Variants in TACC2 observed in about 807,000 individuals in gnomAD.
TACC2 encodes transforming acidic coiled-coil-containing protein 2.
In TACC2, 137 loss-of-function variants were observed where a neutral mutation model predicts 227.3. The observed-to-expected ratio is 0.60, with a 90% confidence interval of 0.52 to 0.69. TACC2 has a LOEUF of 0.69. Ranked by LOEUF, TACC2 falls within the 30% of genes least tolerant of loss-of-function variation. TACC2 has a pLI of 0.00. For missense variants in TACC2, 3,470 were observed against 3,694.4 expected (o/e 0.94, Z 1.57); for synonymous variants, 1,523 against 1,487.5 (o/e 1.02, Z -0.55).
chr10:122,004,397 C>CAA (rs140584119), intron 1 of TACC2, among the ~76,000 whole-genome samples: 20 of 104,196 alleles, frequency 1.9e-4, no homozygotes, highest in East Asian at 1.3e-3. Context: ...GACTCTGTCT[C>CAA]AAAAAAAAAA....
chr10:122,076,332 C>G (rs940884235), intron 3 of TACC2, among the ~76,000 whole-genome samples: 9 of 152,128 alleles, frequency 5.9e-5, no homozygotes, highest in African/African-American at 2.2e-4. Flanking sequence ...CCTTCACAAC[C>G]CAATCACCTT....
chr10:122,152,790 C>G (rs1188210230), intron 7 of TACC2, among the ~76,000 whole-genome samples: 1 of 152,112 alleles, frequency 6.6e-6, no homozygotes, highest in African/African-American at 2.4e-5. Context: ...CACTGTTTGG[C>G]AGGACTCAGG....
At chr10:122,183,270 G>A (rs2094042148) in intron 7 of TACC2, among the ~76,000 whole-genome samples, 1 of 152,102 alleles carries the variant, frequency 6.6e-6, no homozygotes, top group African/African-American at 2.4e-5. Flanking sequence ...AGGATTCTAA[G>A]GCCATACCTG....
intron 18 of TACC2, among the ~76,000 whole-genome samples, chr10:122,240,922 A>C (rs1341163520): frequency 6.6e-6 from 1 of 152,192 alleles, no homozygotes; most frequent in East Asian, 1.9e-4. Context: ...GAGGCTTCCC[A>C]AGAAGTTTAC....
intron 5 of TACC2, among the ~76,000 whole-genome samples, chr10:122,092,594 A>G (rs1488489999): frequency 6.6e-6 from 1 of 152,224 alleles, no homozygotes; most frequent in Non-Finnish European, 1.5e-5. Flanking sequence ...ACATGAAGGT[A>G]GCATAAATTT....
intron 7 of TACC2, chr10:122,192,375 C>A (rs181223255): frequency 5.1e-4 from 141 of 275,368 alleles, no homozygotes; most frequent in Middle Eastern, 1.4e-3. Flanking sequence ...GAGGGGCATC[C>A]GGCCCTCCCT....
chr10:122,103,484 T>C (rs1015334096), intron 5 of TACC2, among the ~76,000 whole-genome samples: 1 of 152,206 alleles, frequency 6.6e-6, no homozygotes, highest in African/African-American at 2.4e-5. Flanking sequence ...TGCTCACAAA[T>C]GGTGCATAAT....
chr10:122,059,994 TG>T (rs1279123042), intron 3 of TACC2, among the ~76,000 whole-genome samples: 3 of 152,122 alleles, frequency 2.0e-5, no homozygotes, highest in African/African-American at 7.2e-5. Flanking sequence ...TGAGAACCAC[TG>T]GATTAGATGG....
chr10:122,156,065 C>G (rs112666955), intron 7 of TACC2, among the ~76,000 whole-genome samples: 2,481 of 151,522 alleles, frequency 0.016, 33 homozygotes, highest in Non-Finnish European at 0.025. Flanking sequence ...TCTTGATCTC[C>G]TGACCTTGTG....
intron 10 of TACC2, among the ~76,000 whole-genome samples, chr10:122,215,838 A>G (rs2095393282): frequency 1.3e-5 from 2 of 152,178 alleles, no homozygotes; most frequent in Admixed American, 1.3e-4. Context: ...TTGTGCAGCC[A>G]AAATTGGAGT....
intron 8 of TACC2, among the ~76,000 whole-genome samples, chr10:122,208,200 G>A (rs923289449): frequency 5.3e-5 from 8 of 152,214 alleles, no homozygotes; most frequent in African/African-American, 1.2e-4. Flanking sequence ...GAGAAGAGGA[G>A]AGTGAGAGGC....
intron 2 of TACC2, among the ~76,000 whole-genome samples, chr10:122,040,479 G>C (rs1464041012): frequency 1.3e-5 from 2 of 152,158 alleles, no homozygotes; most frequent in Non-Finnish European, 2.9e-5. Context: ...CAGTTGTTCA[G>C]TTCTGGAGAG....
chr10:122,081,123 A>C (rs902716942), intron 3 of TACC2, among the ~76,000 whole-genome samples: 7 of 152,230 alleles, frequency 4.6e-5, no homozygotes, highest in African/African-American at 1.7e-4. Context: ...GAAATTCACT[A>C]GAACTCTGAA....
In TACC2 at chr10:122,194,764, G is replaced by C. The variant is rs1170837624; in HGVS notation, c.5835-276G>C. 6.6e-6 allele frequency among the ~76,000 whole-genome samples: 1 copy of C among 152,224 alleles called. No individual in the cohort carries two copies. The highest frequency in any genetic ancestry group is 1.9e-4 in the East Asian group (1 of 5,194). On this transcript the variant is annotated intron_variant, in intron 7 of 22. Transcript: ENST00000369005. This position sits in a 1 kb window ranked among gnomAD's most constrained non-coding sequence, Gnocchi z 4.4. ...ATGAACGCGTGCGGAAGTTCATCCA[G>C]AGTCCGCTGTGTGTGTATTTGCCAC...
At chr10:122,065,885 A>G (rs2077320406) in intron 3 of TACC2, among the ~76,000 whole-genome samples, 2 of 152,190 alleles carry the variant, frequency 1.3e-5, no homozygotes. Flanking sequence ...TCATTATAAC[A>G]TTATGTTCTT....
chr10:122,005,662 G>A (rs1193996965), intron 1 of TACC2, among the ~76,000 whole-genome samples: 1 of 150,466 alleles, frequency 6.6e-6, no homozygotes, highest in East Asian at 2.0e-4. Context: ...GGGATTACAG[G>A]CATGAGCCAC....
Position 122,083,078 on chromosome 10 carries a change from G to A in TACC2, c.578G>A (p.Gly193Asp). The A allele has an allele frequency of 5.0e-6, 8 of 1,612,818 alleles. No homozygotes were observed. The highest frequency in any genetic ancestry group is 6.8e-6 in the Non-Finnish European group (8 of 1,180,016). The change falls in exon 4 of 23, where the codon GGC becomes GAC. Residue 193 changes from glycine (G) to aspartate (D), a missense_variant. Transcript: ENST00000369005. ...AAGTCCTCCTTCTCCTTCTCCAGTG[G>A]CATCGACCAGTCACCTGGAATGTCG... ...GQKSSFSFSS[G>D]IDQSPGMSPV...
intron 1 of TACC2, among the ~76,000 whole-genome samples, chr10:122,017,892 G>T (rs1217823581): frequency 2.0e-5 from 3 of 147,200 alleles, no homozygotes; most frequent in Non-Finnish European, 3.0e-5. Flanking sequence ...TTTTGAGGGG[G>T]AAGAGGCAAA....
chr10:122,136,856 A>T (rs1480300108), intron 6 of TACC2, among the ~76,000 whole-genome samples: 2 of 151,934 alleles, frequency 1.3e-5, no homozygotes, highest in Non-Finnish European at 2.9e-5. Context: ...ACCCAGCAGA[A>T]TTTTTTTTAA....
Sources: allele counts gnomAD v4.1 joint callset (sites outside exome capture counted in the v4.1 genomes callset), GRCh38; gene constraint gnomAD v4.1.1; non-coding constraint Gnocchi (gnomAD v3.1); transcripts MANE v1.5; gene names NCBI Gene and HGNC (gene_info 2026-07-23, HGNC 2026-07-21).